MARCHF1: variants seen among roughly 807,000 people sequenced by gnomAD.
MARCHF1 encodes the protein E3 ubiquitin-protein ligase MARCHF1.
A neutral mutation model predicts 54.2 loss-of-function variants in MARCHF1; 40 were observed. The ratio of observed to expected loss-of-function variants is 0.74; its 90% CI spans 0.57 to 0.96. The LOEUF (loss-of-function observed/expected upper bound fraction) is 0.96. Ranked by LOEUF, MARCHF1 falls within the 40% of genes least tolerant of loss-of-function variation. The pLI is 0.00. For missense variants in MARCHF1, 586 were observed against 656.5 expected (o/e 0.89, Z 1.17); for synonymous variants, 236 against 236.3 (o/e 1.00, Z 0.01).
intron 1 of MARCHF1, among the ~76,000 whole-genome samples, chr4:164,133,838 G>C (rs1756350160): frequency 6.6e-6 from 1 of 152,168 alleles, no homozygotes; most frequent in Non-Finnish European, 1.5e-5. Context: ...TTGCAAAAAA[G>C]ACACCAAGAG....
intron 1 of MARCHF1, among the ~76,000 whole-genome samples, chr4:164,220,223 T>C (rs199784674): frequency 3.4e-5 from 5 of 147,368 alleles, no homozygotes; most frequent in South Asian, 4.2e-4. Context: ...TATATATATA[T>C]ACACACATAC....
chr4:163,878,197 T>A (rs891668791), intron 3 of MARCHF1, among the ~76,000 whole-genome samples: 3 of 152,124 alleles, frequency 2.0e-5, no homozygotes, highest in African/African-American at 7.2e-5. Context: ...AATACCAGCT[T>A]CTCTATAACA....
chr4:163,543,331 G>A (rs1263606948), intron 9 of MARCHF1, among the ~76,000 whole-genome samples: 1 of 151,986 alleles, frequency 6.6e-6, no homozygotes, highest in Non-Finnish European at 1.5e-5. Context: ...AGGCATTCGA[G>A]ACAGAGTGAA....
intron 4 of MARCHF1, among the ~76,000 whole-genome samples, chr4:163,773,405 C>G (rs190674366): frequency 1.3e-5 from 2 of 152,240 alleles, no homozygotes; most frequent in Admixed American, 1.3e-4. Context: ...ATCCTTTGAG[C>G]TGCAGGATTT....
At chr4:163,633,982 T>A (rs1742209568) in intron 5 of MARCHF1, among the ~76,000 whole-genome samples, 1 of 152,150 alleles carries the variant, frequency 6.6e-6, no homozygotes, top group Admixed American at 6.5e-5. Flanking sequence ...CAGAATTTCA[T>A]ATCCAGCCAA....
intron 3 of MARCHF1, among the ~76,000 whole-genome samples, chr4:163,860,577 T>C (rs1255719790): frequency 6.6e-6 from 1 of 152,160 alleles, no homozygotes; most frequent in Non-Finnish European, 1.5e-5. Context: ...AAGAAAAACT[T>C]GTGAAGGCCA....
At chr4:163,564,505 C>T (rs1259968525) in intron 8 of MARCHF1, among the ~76,000 whole-genome samples, 1 of 152,148 alleles carries the variant, frequency 6.6e-6, no homozygotes, top group East Asian at 1.9e-4. Context: ...TACTTGTGTT[C>T]TCAAATCTTT....
At chr4:164,302,270 C>G (rs1377246808) in intron 1 of MARCHF1, among the ~76,000 whole-genome samples, 2 of 152,100 alleles carry the variant, frequency 1.3e-5, no homozygotes, top group Non-Finnish European at 2.9e-5. Flanking sequence ...TTCTTATGGG[C>G]TATTTTTTAT....
chr4:164,052,164 T>TA (rs978619747), intron 2 of MARCHF1, among the ~76,000 whole-genome samples: 10 of 151,924 alleles, frequency 6.6e-5, no homozygotes, highest in African/African-American at 1.9e-4. Context: ...TTGTATTTTT[T>TA]AAAAAAATAT....
In MARCHF1 at chr4:163,612,960, CT is replaced by C; in HGVS notation, c.320del (p.Lys107ArgfsTer8). Reference sequence around the variant, plus strand: ...GTATTACTGATTTCTTACCAGACTCCTTCCTAGCAGGGCTCAGCACCATGAC... The same window carrying C: ...GTATTACTGATTTCTTACCAGACTCCTCCTAGCAGGGCTCAGCACCATGAC... ...TPVMVLSPAR[K>X]ESGKKSVIQR... On this transcript the variant is annotated frameshift_variant, in exon 7 of 10. Transcript: ENST00000514618. LOFTEE classifies it high-confidence loss of function. 1 of 1,534,578 alleles carries C rather than the reference CT, an allele frequency of 6.5e-7. No homozygotes were observed. The highest frequency in any genetic ancestry group is 8.7e-7 in the Non-Finnish European group (1 of 1,146,148).
At chr4:163,935,034 C>A (rs142987650) in intron 3 of MARCHF1, among the ~76,000 whole-genome samples, 1 of 152,174 alleles carries the variant, frequency 6.6e-6, no homozygotes, top group East Asian at 1.9e-4. Context: ...TTGAAATTAC[C>A]TCAACACAAC....
intron 4 of MARCHF1, among the ~76,000 whole-genome samples, chr4:163,740,508 T>C (rs1746164959): frequency 6.6e-6 from 1 of 152,072 alleles, no homozygotes; most frequent in South Asian, 2.1e-4. Flanking sequence ...CACTGAGCAA[T>C]AGGGTACAGG....
At chr4:163,712,453 G>C (rs1475524989) in intron 4 of MARCHF1, among the ~76,000 whole-genome samples, 1 of 152,032 alleles carries the variant, frequency 6.6e-6, no homozygotes, top group East Asian at 1.9e-4. Flanking sequence ...TAAATGTTGA[G>C]GAAAATGTAT....
At chr4:164,054,111 A>G (rs1422912670) in intron 2 of MARCHF1, among the ~76,000 whole-genome samples, 21 of 151,488 alleles carry the variant, frequency 1.4e-4, no homozygotes, top group East Asian at 3.9e-4. Context: ...AAAAGTGGGC[A>G]AAGGACATGA....
chr4:163,993,287 T>C (rs970346618), intron 2 of MARCHF1, among the ~76,000 whole-genome samples: 2 of 152,118 alleles, frequency 1.3e-5, no homozygotes, highest in Non-Finnish European at 2.9e-5. Context: ...TGCTTGTATG[T>C]TTATGGGTTT....
At chr4:164,188,142 C>T (rs951611238) in intron 1 of MARCHF1, among the ~76,000 whole-genome samples, 2 of 152,188 alleles carry the variant, frequency 1.3e-5, no homozygotes, top group Non-Finnish European at 2.9e-5. Flanking sequence ...TTTTGAATGC[C>T]TACAGTCCCA....
intron 2 of MARCHF1, among the ~76,000 whole-genome samples, chr4:164,079,777 T>C (rs753636000): frequency 7.9e-5 from 12 of 152,330 alleles, no homozygotes; most frequent in Admixed American, 2.6e-4. Flanking sequence ...CAATATACTA[T>C]GAAATTTCAC....
intron 1 of MARCHF1, among the ~76,000 whole-genome samples, chr4:164,295,028 C>G (rs1235082718): frequency 6.6e-6 from 1 of 152,158 alleles, no homozygotes; most frequent in Non-Finnish European, 1.5e-5. Context: ...AACACACACA[C>G]ACACATTTAC....
At chr4:163,672,007 T>C (rs1340463098) in intron 5 of MARCHF1, among the ~76,000 whole-genome samples, 1 of 152,214 alleles carries the variant, frequency 6.6e-6, no homozygotes, top group East Asian at 1.9e-4. Flanking sequence ...TCACCTATTT[T>C]GTACTGTGTA....
Sources: allele counts gnomAD v4.1 joint callset (sites outside exome capture counted in the v4.1 genomes callset), GRCh38; gene constraint gnomAD v4.1.1; transcripts MANE v1.5; gene names NCBI Gene and HGNC (gene_info 2026-07-23, HGNC 2026-07-21).